MKS1: variants seen among roughly 807,000 people sequenced by gnomAD.
The protein encoded by MKS1 is tectonic-like complex member MKS1.
A neutral mutation model predicts 83.7 loss-of-function variants in MKS1; 70 were observed. The observed-to-expected ratio is 0.84, with a 90% CI of 0.69 to 1.02. MKS1 has a LOEUF of 1.02. Ranked by LOEUF, MKS1 falls within the 50% of genes least tolerant of loss-of-function variation. MKS1 has a pLI of 0.00. For missense variants in MKS1, 681 were observed against 726.9 expected, an observed-to-expected ratio of 0.94 and a Z score of 0.73; for synonymous variants, 251 against 273.4, an observed-to-expected ratio of 0.92 and a Z score of 0.81.
At chr17:58,214,115 A>T in intron 6 of MKS1, 144 bp downstream of exon 6, 2 of 1,268,196 alleles carry the variant, frequency 1.6e-6, no homozygotes, top group South Asian at 1.3e-5. Context: ...GTTGGCAGTG[A>T]GAAGCTTCAC....
In MKS1 at chr17:58,207,202, T is replaced by C. The variant is rs1245795717; in HGVS notation, c.1290A>G (p.Thr430=). The C allele has an allele frequency of 3.7e-6, 6 of 1,614,084 alleles. No homozygotes were observed. Among genetic ancestry groups the C allele is most frequent in the East Asian group, 2.2e-5 (1 of 44,872 alleles). The part of the protein sequence containing the change: ...LPATPGSHTL[T]VSTWRPVELG... ...GCTCCACAGGTCTCCACGTGGAGACTGTCAGGGTGTGTGAGCCTGCGCAAG... is the reference window on the plus strand; with the variant it reads ...GCTCCACAGGTCTCCACGTGGAGACCGTCAGGGTGTGTGAGCCTGCGCAAG... Residue 430 remains threonine (T), a synonymous_variant, in exon 15 of 18, where the codon ACA becomes ACG. Transcript: ENST00000393119.
intron 11 of MKS1, among the ~76,000 whole-genome samples, chr17:58,208,978 G>A (rs543451162): frequency 4.8e-4 from 73 of 152,244 alleles, no homozygotes; most frequent in African/African-American, 1.7e-3. Flanking sequence ...GCACGGGGTT[G>A]GGGGTAAGGT....
rs1258997388 is a variant in MKS1, at chr17:58,205,966, G to A, written c.*113C>T. 6 of 1,533,156 alleles carry A rather than the reference G, an allele frequency of 3.9e-6. No homozygotes were observed. The highest frequency in any genetic ancestry group is 4.4e-6 in the Non-Finnish European group (5 of 1,143,366). The allele number at this position is 1,533,156 out of a possible 1,614,324, so 95.0% of individuals were successfully genotyped here. ...AGCCGGGAATTTCCCAGCTTTTCTG[G>A]TTCTCAGCAGACCAACGTGGTCTCT... On this transcript the variant is annotated 3_prime_UTR_variant, in exon 18 of 18. Coordinates refer to ENST00000393119, the MANE Select transcript of MKS1 (RefSeq NM_017777.4).
chr17:58,212,185 A>G (rs1044147911), intron 9 of MKS1, among the ~76,000 whole-genome samples, 193 bp downstream of exon 9: 4 of 152,196 alleles, frequency 2.6e-5, no homozygotes, highest in African/African-American at 9.7e-5. Flanking sequence ...CCTTTTTCTT[A>G]GCATTAACAG....
At chr17:58,217,801 G>A (rs546039176) in intron 2 of MKS1, among the ~76,000 whole-genome samples, 1 of 152,264 alleles carries the variant, frequency 6.6e-6, no homozygotes, top group South Asian at 2.1e-4. Context: ...ATGAGATTCT[G>A]TCTCAAAACA....
intron 14 of MKS1, 135 bp from the exon 15 acceptor site, chr17:58,207,353 T>C: frequency 1.6e-6 from 2 of 1,229,736 alleles, no homozygotes. Flanking sequence ...TGGTGCAGGT[T>C]ATCATGGTTA....
At position 58,205,854 on chromosome 17, in the gene MKS1, G is replaced by A. The variant is rs1968470856; in HGVS notation, c.*225C>T. The A allele has an allele frequency of 1.4e-6, 2 of 1,437,560 alleles. No individual in the cohort carries two copies. Among genetic ancestry groups the A allele is most frequent in the African/African-American group, 1.4e-5 (1 of 69,844 alleles). 89.1% of individuals were successfully genotyped at this position (1,437,560 alleles called of 1,614,324 possible). On this transcript the variant is annotated 3_prime_UTR_variant, in exon 18 of 18. Coordinates refer to ENST00000393119, the MANE Select transcript of MKS1 (RefSeq NM_017777.4). ...GCTGTGATGCCCATTGACAGTGGCT[G>A]CAAATATAAAGGGGGGGCCACAGGG...
At chr17:58,206,807 T>C (rs1968541833) in intron 15 of MKS1, 1 of 622,954 alleles carries the variant, frequency 1.6e-6, no homozygotes, top group African/African-American at 1.8e-5. Flanking sequence ...CACATCTGAT[T>C]ACTGAGGCCT....
chr17:58,219,181 G>A lies in MKS1; in HGVS notation c.50C>T (p.Ser17Phe). The change falls in exon 1 of 18, where the codon TCC becomes TTC. Residue 17 changes from serine (S) to phenylalanine (F), a missense_variant. Around this residue, in one of 3 missense-constraint regions of MKS1, gnomAD observed 365 missense variants for 383.8 expected, o/e 0.95. Coordinates refer to ENST00000393119, the MANE Select transcript of MKS1 (RefSeq NM_017777.4). ...GCGCAAGTTGCGCACGGGGTCCCGG[G>A]AGCGATACACTGCCTCCCCGGTGTC... ...STDTGEAVYR[S>F]RDPVRNLRLR... 1.3e-6 allele frequency: 2 copies of A among 1,551,214 alleles called. No individual in the cohort carries two copies. Among genetic ancestry groups the A allele is most frequent in the South Asian group, 2.4e-5 (2 of 84,060 alleles).
At chr17:58,211,947 C>T (rs1968901689) in intron 9 of MKS1, among the ~76,000 whole-genome samples, 3 of 152,054 alleles carry the variant, frequency 2.0e-5, no homozygotes, top group South Asian at 4.1e-4. Context: ...AAAATATCCA[C>T]ATGAAAGGTG....
At chr17:58,217,719 G>A (rs573681412) in intron 2 of MKS1, among the ~76,000 whole-genome samples, 47 of 152,116 alleles carry the variant, frequency 3.1e-4, no homozygotes, top group African/African-American at 1.0e-3. Context: ...GCAGGAGGAT[G>A]GCTTGAGCCT....
At chr17:58,206,635 ATTCT>A in intron 15 of MKS1, 88 bp from the exon 16 acceptor site, 9 of 1,304,290 alleles carry the variant, frequency 6.9e-6, no homozygotes, top group African/African-American at 1.5e-5. Flanking sequence ...TCTTATTCCC[ATTCT>A]TGGGAAGCGC....
chr17:58,205,655 C>T lies in MKS1; in HGVS notation c.*424G>A. 1 of 1,308,140 alleles carries T rather than the reference C, an allele frequency of 7.6e-7. No individual in the cohort carries two copies. Among genetic ancestry groups the T allele is most frequent in the South Asian group, 1.2e-5 (1 of 81,080 alleles). 81.0% of individuals were successfully genotyped at this position (1,308,140 alleles called of 1,614,324 possible). The stretch of plus-strand genomic sequence containing the variant: ...AGACTCACAGGCTGGGGATTTAAGA[C>T]CCTCTCACCGTCCACCTTCCTTCCT... On this transcript the variant is annotated 3_prime_UTR_variant, in exon 18 of 18. Transcript: ENST00000393119.
intron 2 of MKS1, among the ~76,000 whole-genome samples, chr17:58,218,146 C>T (rs1969337143): frequency 6.6e-6 from 1 of 152,134 alleles, no homozygotes; most frequent in Non-Finnish European, 1.5e-5. Context: ...CACGTTTTCT[C>T]TTTTAAAAAT....
At position 58,209,141 on chromosome 17, in the gene MKS1, CCATCGT is replaced by C; in HGVS notation, c.1025-564_1025-559del. Among the ~76,000 whole-genome samples, 1 of 152,166 alleles carries C rather than the reference CCATCGT, an allele frequency of 6.6e-6. No individual in the cohort carries two copies. Among genetic ancestry groups the C allele is most frequent in the Non-Finnish European group, 1.5e-5 (1 of 68,032 alleles). ...CCCCCTTTTCTTTTTGACAAAACCGCCATCGTCATCATGGCCCATTCTCAATGGTCG... is the reference window on the plus strand; with the variant it reads ...CCCCCTTTTCTTTTTGACAAAACCGCCATCATGGCCCATTCTCAATGGTCG... On this transcript the variant is annotated intron_variant, in intron 11 of 17. Coordinates refer to ENST00000393119, the MANE Select transcript of MKS1 (RefSeq NM_017777.4). This position sits in a 1 kb window ranked among gnomAD's most constrained non-coding sequence, Gnocchi z 4.1.
intron 4 of MKS1, among the ~76,000 whole-genome samples, chr17:58,215,209 C>T: frequency 6.6e-6 from 1 of 152,180 alleles, no homozygotes. Flanking sequence ...CACATGGTAA[C>T]TGAGCACTAA....
intron 6 of MKS1, 21 bp downstream of exon 6, chr17:58,214,238 G>C (rs756624983): frequency 1.2e-6 from 2 of 1,614,058 alleles, no homozygotes; most frequent in Non-Finnish European, 1.7e-6. Context: ...CTCTAAGCTG[G>C]CAGTGAGAAG....
At chr17:58,214,430 A>G (rs368318031) in intron 5 of MKS1, 43 bp from the exon 6 acceptor site, 124 of 1,611,982 alleles carry the variant, frequency 7.7e-5, no homozygotes, top group Non-Finnish European at 9.8e-5. Flanking sequence ...GCACACCCCA[A>G]TGGAGCACCC....
In MKS1 at chr17:58,216,695, T is replaced by A. The variant is rs1969240268; in HGVS notation, c.232A>T (p.Ile78Phe). The A allele has an allele frequency of 1.2e-6, 2 of 1,614,054 alleles. No individual in the cohort carries two copies. Among genetic ancestry groups the A allele is most frequent in the Admixed American group, 1.7e-5 (1 of 60,004 alleles). ...CTAAAGAGCTTCTCCTGCCACCCAA[T>A]CACAATCTCCTCCTCTTCGTCTTCC... ...PEEDEEEEIV[I>F]GWQEKLFSQF... The change falls in exon 3 of 18, where the codon ATT (isoleucine) becomes TTT (phenylalanine). Residue 78 changes from isoleucine to phenylalanine, a missense_variant. Around this residue, in one of 3 missense-constraint regions of MKS1, gnomAD observed 365 missense variants for 383.8 expected, o/e 0.95. Transcript: ENST00000393119.
Sources: gnomAD v4.1 joint callset for allele counts (sites outside exome capture counted in the v4.1 genomes callset) on GRCh38, gnomAD v4.1.1 for gene constraint, gnomAD v4.1.1 regional missense constraint, Gnocchi (gnomAD v3.1) non-coding constraint, MANE v1.5 for transcripts, NCBI Gene and HGNC (gene_info 2026-07-23, HGNC 2026-07-21) for gene names.